RNF130: variants seen among roughly 807,000 people sequenced by gnomAD.
The protein encoded by RNF130 is E3 ubiquitin-protein ligase RNF130.
RNF130 carries 21 observed loss-of-function variants against 44.6 expected under a neutral mutation model. The ratio of observed to expected loss-of-function variants is 0.47; its 90% confidence interval spans 0.33 to 0.68. RNF130 has a LOEUF of 0.68. Among genes scored for constraint, RNF130 ranks in the 30% least tolerant of loss-of-function variants. The pLI is 0.02. For synonymous variants in RNF130, 214 were observed against 210.4 expected, an observed-to-expected ratio of 1.02 and a Z score of -0.15; for missense variants, 479 against 560.6, an observed-to-expected ratio of 0.85 and a Z score of 1.47.
intron 4 of RNF130, 52 bp from the exon 5 acceptor site, chr5:179,978,337 G>T: frequency 2.5e-6 from 3 of 1,198,212 alleles, no homozygotes; most frequent in Non-Finnish European, 3.7e-6. Context: ...GTATATAAAT[G>T]GTTGGGATGC....
At chr5:179,964,584 C>T (rs11958554) in intron 7 of RNF130, among the ~76,000 whole-genome samples, 3,129 of 152,330 alleles carry the variant, frequency 0.021, 112 homozygotes, top group African/African-American at 0.071. Context: ...AAGCTGTATA[C>T]AGCATGTGTG....
rs1171907145 is a variant in RNF130, at chr5:180,059,451, A to G, written c.247+12005T>C. Among the ~76,000 whole-genome samples the G allele has an allele frequency of 3.3e-5, 5 of 152,352 alleles. No homozygotes were observed. In the South Asian group the frequency reaches 6.2e-4, roughly 19 times the overall value. On this transcript the variant is annotated intron_variant, in intron 1 of 8. Transcript: ENST00000521389. ...CTTCCCCCCACCAGACAGCAACAGC[A>G]TGCAGGAACTTCCTGTCCTGTCTGG...
intron 3 of RNF130, among the ~76,000 whole-genome samples, chr5:179,983,103 TAAA>T (rs1762874657): frequency 6.6e-6 from 1 of 152,220 alleles, no homozygotes. Flanking sequence ...ATATTCCAGA[TAAA>T]AATCCTTTTG....
At chr5:179,962,723 T>A (rs1762362355) in intron 8 of RNF130, among the ~76,000 whole-genome samples, 1 of 152,166 alleles carries the variant, frequency 6.6e-6, no homozygotes, top group Non-Finnish European at 1.5e-5. Flanking sequence ...ATAACAGTCA[T>A]CTAGCCCAAT....
At chr5:180,008,167 C>A (rs1763505433) in intron 3 of RNF130, among the ~76,000 whole-genome samples, 1 of 151,830 alleles carries the variant, frequency 6.6e-6, no homozygotes, top group Non-Finnish European at 1.5e-5. Context: ...CCAACAGGAC[C>A]AGAGCAGCCC....
intron 2 of RNF130, 65 bp from the exon 3 acceptor site, chr5:180,013,376 C>A: frequency 7.3e-7 from 1 of 1,371,072 alleles, no homozygotes; most frequent in Non-Finnish European, 1.0e-6. Flanking sequence ...TCAAATGTAT[C>A]AACACGCTAC....
rs113358173 is a variant in RNF130, at chr5:179,934,703, C to T, written c.1151-14277G>A. Among the ~76,000 whole-genome samples the T allele has an allele frequency of 5.7e-4, 87 of 151,858 alleles. 2 individuals are homozygous for T. Among genetic ancestry groups the T allele is most frequent in the African/African-American group, 2.0e-3 (81 of 41,422 alleles). On this transcript the variant is annotated intron_variant, in intron 7 of 7. Transcript: ENST00000522208. Reference sequence around the variant, plus strand: ...GACCACAGGTGTGCGCCACCACATCCGGCTACTTTATTTTTATTCTTGTAG... The same window carrying T: ...GACCACAGGTGTGCGCCACCACATCTGGCTACTTTATTTTTATTCTTGTAG...
At chr5:180,038,368 T>C (rs909229267) in intron 2 of RNF130, among the ~76,000 whole-genome samples, 9 of 150,282 alleles carry the variant, frequency 6.0e-5, no homozygotes, top group Non-Finnish European at 8.9e-5. Flanking sequence ...GCAACAGAGT[T>C]AGACCCTGTC....
chr5:180,057,344 T>G (rs1178870082), intron 1 of RNF130, among the ~76,000 whole-genome samples: 1 of 152,010 alleles, frequency 6.6e-6, no homozygotes, highest in East Asian at 1.9e-4. Flanking sequence ...AGGTCAGGAG[T>G]TTGAGACCAG....
At chr5:179,990,534 C>A (rs184416447) in intron 3 of RNF130, among the ~76,000 whole-genome samples, 13 of 152,178 alleles carry the variant, frequency 8.5e-5, no homozygotes, top group Non-Finnish European at 1.8e-4. Context: ...TGACATCAGT[C>A]GGGCCTTCCA....
intron 8 of RNF130, among the ~76,000 whole-genome samples, chr5:179,957,938 C>G (rs1312648422): frequency 6.7e-6 from 1 of 150,350 alleles, no homozygotes; most frequent in African/African-American, 2.4e-5. Context: ...AGTGCAGTGG[C>G]GGGATCTCGG....
intron 2 of RNF130, among the ~76,000 whole-genome samples, chr5:180,028,508 T>G (rs1016992733): frequency 6.6e-6 from 1 of 152,206 alleles, no homozygotes; most frequent in Admixed American, 6.5e-5. Flanking sequence ...ATCCTCATTA[T>G]GCAGGGCCTG....
chr5:179,992,808 T>C (rs933131989), intron 3 of RNF130, among the ~76,000 whole-genome samples: 2 of 152,172 alleles, frequency 1.3e-5, no homozygotes, highest in African/African-American at 2.4e-5. Context: ...ATGTGCCATG[T>C]TGGTGTGCTG....
intron 1 of RNF130, among the ~76,000 whole-genome samples, chr5:180,041,536 A>G (rs972714054): frequency 6.7e-6 from 1 of 149,664 alleles, no homozygotes; most frequent in African/African-American, 2.5e-5. Context: ...TCTTAAGAAG[A>G]AGCCCCCGGC....
At chr5:179,958,042 T>C (rs1039098485) in intron 8 of RNF130, among the ~76,000 whole-genome samples, 2 of 151,980 alleles carry the variant, frequency 1.3e-5, no homozygotes, top group African/African-American at 4.8e-5. Context: ...TACGCCCGGC[T>C]AATTTTTTGT....
chr5:179,943,487 T>C (rs928300265), intron 7 of RNF130, among the ~76,000 whole-genome samples: 3 of 152,228 alleles, frequency 2.0e-5, no homozygotes, highest in Non-Finnish European at 2.9e-5. Context: ...TTTTTTGCCA[T>C]GTGCACTTAT....
chr5:179,915,910 C>T (rs1761537799), exon 8 of RNF130: 1 of 152,242 alleles, frequency 6.6e-6, no homozygotes, highest in Non-Finnish European at 1.5e-5. Context: ...GCTCTCACAC[C>T]CCAGTTGCTT....
chr5:180,055,248 CAAAAAAAAAAAAAAAA>C (rs1205914690), intron 1 of RNF130, among the ~76,000 whole-genome samples: 4 of 20,980 alleles, frequency 1.9e-4, no homozygotes, highest in South Asian at 2.3e-3. Context: ...GGTTCTGTCT[CAAAAAAAAAAAAAAAA>C]AAAAAAAAAA....
chr5:180,057,805 C>A (rs1331057142), intron 1 of RNF130, among the ~76,000 whole-genome samples: 1 of 152,178 alleles, frequency 6.6e-6, no homozygotes, highest in East Asian at 1.9e-4. Context: ...GTTCTATGAG[C>A]TGTTATATAG....
Sources: allele counts gnomAD v4.1 joint callset (sites outside exome capture counted in the v4.1 genomes callset), GRCh38; gene constraint gnomAD v4.1.1; transcripts MANE v1.5; gene names NCBI Gene and HGNC (gene_info 2026-07-23, HGNC 2026-07-21).